PDE11A: variants seen among roughly 807,000 people sequenced by gnomAD.
PDE11A encodes dual 3',5'-cyclic-AMP and -GMP phosphodiesterase 11A.
Under a neutral mutation model 100.5 loss-of-function variants are expected in PDE11A, and 100 were observed. The observed-to-expected ratio is 1.00, with a 90% CI of 0.85 to 1.18. PDE11A has a LOEUF of 1.18. PDE11A is among the 50% of genes most tolerant of loss of function. PDE11A has a pLI of 0.00. For synonymous variants in PDE11A, 381 were observed against 420.8 expected, an observed-to-expected ratio of 0.91 and a Z score of 1.16; for missense variants, 1,141 against 1,152.6, an observed-to-expected ratio of 0.99 and a Z score of 0.15.
Position 177,629,462 on chromosome 2 carries a change from G to A in PDE11A, c.2747C>T (p.Ser916Leu). Residue 916 changes from serine (S) to leucine (L), a missense_variant, in exon 20 of 20, where the codon TCA (serine) becomes TTA (leucine). Coordinates refer to ENST00000286063, the MANE Select transcript of PDE11A (RefSeq NM_016953.4). ...ACTGGCAGGGGAGGATGAGGCAGTTGAGGCCAGCAGTCGTTTTTGGTGTAG... is the reference window on the plus strand; with the variant it reads ...ACTGGCAGGGGAGGATGAGGCAGTTAAGGCCAGCAGTCGTTTTTGGTGTAG... ...EELHQKRLLA[S>L]TASSSPASVM... 1 of 1,614,014 alleles carries A rather than the reference G, an allele frequency of 6.2e-7. No individual in the cohort carries two copies. Among genetic ancestry groups the A allele is most frequent in the African/African-American group, 1.3e-5 (1 of 75,054 alleles).
At chr2:177,676,525 G>T (rs147376921) in intron 16 of PDE11A, among the ~76,000 whole-genome samples, 1 of 152,054 alleles carries the variant, frequency 6.6e-6, no homozygotes, top group African/African-American at 2.4e-5. Context: ...ATGCTTAGAT[G>T]GCAGGGGGGT....
intron 2 of PDE11A, among the ~76,000 whole-genome samples, chr2:178,098,239 A>G (rs1378329717): frequency 6.6e-6 from 1 of 152,216 alleles, no homozygotes; most frequent in Admixed American, 6.5e-5. Flanking sequence ...TAAACATCCA[A>G]AAACTGGGAC....
chr2:177,881,034 A>C (rs2084324663), intron 4 of PDE11A, among the ~76,000 whole-genome samples: 1 of 152,218 alleles, frequency 6.6e-6, no homozygotes, highest in South Asian at 2.1e-4. Flanking sequence ...GAATCAATAA[A>C]TTGAGTAAAG....
At chr2:178,106,272 A>G (rs1574401646) in intron 1 of PDE11A, among the ~76,000 whole-genome samples, 3 of 152,322 alleles carry the variant, frequency 2.0e-5, no homozygotes, top group Middle Eastern at 6.8e-3. Flanking sequence ...CTTTAAATCT[A>G]TGTGGAAACC....
At chr2:177,780,819 A>G (rs1156238939) in intron 9 of PDE11A, among the ~76,000 whole-genome samples, 1 of 152,206 alleles carries the variant, frequency 6.6e-6, no homozygotes, top group East Asian at 1.9e-4. Context: ...CTTGATCTGG[A>G]TTAGGCTTTG....
chr2:177,747,502 A>G (rs77628232), intron 10 of PDE11A, among the ~76,000 whole-genome samples: 1,610 of 152,316 alleles, frequency 0.011, 34 homozygotes, highest in African/African-American at 0.036. Flanking sequence ...GCCAAGTCCA[A>G]AATGGTTCTG....
chr2:177,945,745 C>G (rs1193408939), intron 2 of PDE11A, among the ~76,000 whole-genome samples: 1 of 150,718 alleles, frequency 6.6e-6, no homozygotes, highest in African/African-American at 2.4e-5. Flanking sequence ...GTCAGCCCCC[C>G]GCCCGGCCAG....
intron 19 of PDE11A, among the ~76,000 whole-genome samples, chr2:177,660,067 C>T (rs1421778912): frequency 1.9e-3 from 33 of 17,464 alleles, no homozygotes; most frequent in Non-Finnish European, 3.6e-3. Context: ...TTCTTTCTTT[C>T]TTTCTTTCTT....
intron 1 of PDE11A, among the ~76,000 whole-genome samples, chr2:178,058,420 T>C (rs2086926007): frequency 6.6e-6 from 1 of 152,290 alleles, no homozygotes; most frequent in African/African-American, 2.4e-5. Flanking sequence ...TTCCAAGATC[T>C]GATGGTTTTA....
In PDE11A at chr2:177,867,618, C is replaced by A. The variant is rs148030336; in HGVS notation, c.1367+8241G>T. On this transcript the variant is annotated intron_variant, in intron 5 of 19. Transcript: ENST00000286063. ...TGGCGGGCCTGTAGTCCTAGCTACT[C>A]GGCAGGCTGAGGCAGGAGAATCACT... 7.2e-3 allele frequency among the ~76,000 whole-genome samples: 1,102 copies of A among 152,134 alleles called. 13 individuals carry two copies. Among genetic ancestry groups the A allele is most frequent in the African/African-American group, 0.025 (1,026 of 41,498 alleles).
intron 6 of PDE11A, among the ~76,000 whole-genome samples, chr2:177,823,727 C>T (rs1331928441): frequency 6.6e-6 from 1 of 152,124 alleles, no homozygotes; most frequent in Non-Finnish European, 1.5e-5. Flanking sequence ...GAGAAGAAAG[C>T]CAATTTTAGA....
chr2:178,049,845 C>T (rs1459455107), intron 1 of PDE11A, among the ~76,000 whole-genome samples: 1 of 152,168 alleles, frequency 6.6e-6, no homozygotes, highest in Non-Finnish European at 1.5e-5. Flanking sequence ...GTAAACAAAG[C>T]GGCCAGGAAG....
intron 10 of PDE11A, among the ~76,000 whole-genome samples, chr2:177,750,722 A>G (rs1278822674): frequency 6.6e-6 from 1 of 152,232 alleles, no homozygotes; most frequent in Non-Finnish European, 1.5e-5. Context: ...ATAAAGTATC[A>G]GAAATTGTAC....
intron 10 of PDE11A, among the ~76,000 whole-genome samples, chr2:177,763,981 C>A (rs1290560118): frequency 6.6e-6 from 1 of 152,240 alleles, no homozygotes; most frequent in Non-Finnish European, 1.5e-5. Context: ...GACACATCTC[C>A]TGGCATAGCT....
intron 2 of PDE11A, among the ~76,000 whole-genome samples, chr2:177,936,751 T>C (rs1038690749): frequency 6.6e-6 from 1 of 152,166 alleles, no homozygotes; most frequent in African/African-American, 2.4e-5. Flanking sequence ...TGAAACCCTG[T>C]CTCTACTAAA....
intron 2 of PDE11A, among the ~76,000 whole-genome samples, chr2:177,927,673 T>C (rs569082810): frequency 6.6e-6 from 1 of 152,338 alleles, no homozygotes; most frequent in South Asian, 2.1e-4. Context: ...AACCCAATCT[T>C]TGCATTAGTT....
intron 2 of PDE11A, among the ~76,000 whole-genome samples, chr2:177,929,120 G>A (rs759470921): frequency 6.6e-6 from 1 of 152,128 alleles, no homozygotes; most frequent in Non-Finnish European, 1.5e-5. Context: ...TTCTCTGCAA[G>A]TGCTCCCAGC....
intron 2 of PDE11A, among the ~76,000 whole-genome samples, chr2:177,992,121 A>G (rs1245083390): frequency 6.6e-6 from 1 of 151,308 alleles, no homozygotes; most frequent in African/African-American, 2.4e-5. Flanking sequence ...ATCTTAATAA[A>G]GACAGTAGAG....
At chr2:177,793,537 C>CAAAAAA (rs34902120) in intron 9 of PDE11A, among the ~76,000 whole-genome samples, 1 of 79,316 alleles carries the variant, frequency 1.3e-5, no homozygotes, top group Admixed American at 1.6e-4. Flanking sequence ...CAGGGATCTG[C>CAAAAAA]AAAAAAAAAA....
Sources: gnomAD v4.1 joint callset for allele counts (sites outside exome capture counted in the v4.1 genomes callset) on GRCh38, gnomAD v4.1.1 for gene constraint, MANE v1.5 for transcripts, NCBI Gene and HGNC (gene_info 2026-07-23, HGNC 2026-07-21) for gene names.